AMBRA1: variants seen among roughly 807,000 people sequenced by gnomAD.
AMBRA1 encodes the protein autophagy and beclin 1 regulator 1, also known as activating molecule in BECN1-regulated autophagy protein 1.
AMBRA1 carries 47 observed loss-of-function variants against 125.4 expected under a neutral mutation model. The ratio of observed to expected loss-of-function variants is 0.37; its 90% CI spans 0.30 to 0.48. The LOEUF (loss-of-function observed/expected upper bound fraction) is 0.48, where lower values mean the gene tolerates loss of function less well. AMBRA1 is among the 20% of genes least tolerant of loss of function. The pLI, the probability that AMBRA1 is intolerant of heterozygous loss-of-function variation, is 0.99. For missense variants in AMBRA1, 1,331 were observed against 1,693.4 expected, an observed-to-expected ratio of 0.79 and a Z score of 3.76; for synonymous variants, 626 against 655.5, an observed-to-expected ratio of 0.95 and a Z score of 0.69.
At chr11:46,552,678 C>CAAA (rs571647388) in intron 1 of AMBRA1, among the ~76,000 whole-genome samples, 4 of 57,442 alleles carry the variant, frequency 7.0e-5, no homozygotes, top group South Asian at 5.5e-4. Context: ...GATTCTGTCT[C>CAAA]AAAAAAAAAA....
intron 1 of AMBRA1, among the ~76,000 whole-genome samples, chr11:46,567,112 C>A (rs1242844234): frequency 1.3e-5 from 2 of 152,116 alleles, no homozygotes; most frequent in African/African-American, 4.8e-5. Flanking sequence ...TGCTCTGTAG[C>A]CCAGACTGGA....
At chr11:46,481,658 C>T (rs1014884923) in intron 11 of AMBRA1, among the ~76,000 whole-genome samples, 3 of 152,160 alleles carry the variant, frequency 2.0e-5, no homozygotes, top group African/African-American at 4.8e-5. Flanking sequence ...CTACCGCGCC[C>T]GGCCTATTTT....
At chr11:46,418,727 T>C (rs1271516703) in intron 14 of AMBRA1, among the ~76,000 whole-genome samples, 1 of 152,154 alleles carries the variant, frequency 6.6e-6, no homozygotes, top group Non-Finnish European at 1.5e-5. Context: ...TTCTCTTAGT[T>C]TTGGGGAGAG....
In AMBRA1 at chr11:46,413,555, A is replaced by C. The variant is rs151288780; in HGVS notation, c.3117-3187T>G. Among the ~76,000 whole-genome samples the C allele has an allele frequency of 7.5e-4, 114 of 151,396 alleles. 2 individuals are homozygous for C. In the East Asian group the frequency reaches 0.021, roughly 27 times the overall value. On this transcript the variant is annotated intron_variant, in intron 15 of 17. Transcript: ENST00000683756. ...GCCCAGGCTGGAGTGCAATGGTGTG[A>C]TCTCGGCTCACTGCAACCTCAGCCT...
At chr11:46,493,514 G>C (rs937736911) in intron 11 of AMBRA1, 94 bp downstream of exon 11, 7 of 993,458 alleles carry the variant, frequency 7.0e-6, no homozygotes, top group African/African-American at 3.4e-5. Context: ...CAGATGCCAA[G>C]ACACCATCAC....
In AMBRA1 at chr11:46,427,567, G is replaced by C. The variant is rs150911921; in HGVS notation, c.2976+5907C>G. ...GTTAAAACACACATGGCTGGGCCTC[G>C]CCCCCAGAGTTTCTGACTCAGCAGA... is the stretch of plus-strand genomic sequence containing the variant. On this transcript the variant is annotated intron_variant, in intron 14 of 17. Coordinates refer to ENST00000683756, the MANE Select transcript of AMBRA1 (RefSeq NM_001387011.1). 5.7e-3 allele frequency among the ~76,000 whole-genome samples: 862 copies of C among 152,266 alleles called. 8 individuals are homozygous for C. Among genetic ancestry groups the C allele is most frequent in the Admixed American group, 0.012 (188 of 15,292 alleles).
intron 7 of AMBRA1, 26 bp downstream of exon 7, chr11:46,541,919 C>T: frequency 6.3e-7 from 1 of 1,596,622 alleles, no homozygotes; most frequent in Non-Finnish European, 8.5e-7. Flanking sequence ...GCAAGGGATG[C>T]AGAAGATAGG....
At chr11:46,444,626 C>T (rs1948187656) in intron 11 of AMBRA1, among the ~76,000 whole-genome samples, 1 of 152,170 alleles carries the variant, frequency 6.6e-6, no homozygotes, top group Non-Finnish European at 1.5e-5. Flanking sequence ...AGTTTACCAG[C>T]CTTGGAAAAA....
chr11:46,572,390 T>C (rs2043799475), intron 1 of AMBRA1, among the ~76,000 whole-genome samples: 2 of 152,146 alleles, frequency 1.3e-5, no homozygotes, highest in African/African-American at 4.8e-5. Context: ...ACTCACTGTA[T>C]AGGGTTTCTT....
At chr11:46,587,665 C>T (rs1447037174) in intron 1 of AMBRA1, among the ~76,000 whole-genome samples, 1 of 152,160 alleles carries the variant, frequency 6.6e-6, no homozygotes, top group East Asian at 1.9e-4. Flanking sequence ...CTCCTTCTTC[C>T]CTCTGTCAGC....
chr11:46,407,091 AT>A (rs1164407956), intron 17 of AMBRA1, among the ~76,000 whole-genome samples: 1 of 152,186 alleles, frequency 6.6e-6, no homozygotes, highest in Non-Finnish European at 1.5e-5. Flanking sequence ...AGGCAGGAGA[AT>A]CACTTGAACT....
At chr11:46,433,446 C>T in intron 14 of AMBRA1, 28 bp downstream of exon 14, 2 of 1,610,394 alleles carry the variant, frequency 1.2e-6, no homozygotes, top group East Asian at 2.2e-5. Flanking sequence ...AGCTGCCATA[C>T]AGTGAAGGCA....
intron 1 of AMBRA1, among the ~76,000 whole-genome samples, chr11:46,564,113 C>T (rs998455015): frequency 6.9e-6 from 1 of 144,006 alleles, no homozygotes; most frequent in African/African-American, 2.6e-5. Flanking sequence ...CATTGCACTC[C>T]ACTCTGGGCA....
At chr11:46,508,723 C>G (rs1337070753) in intron 8 of AMBRA1, among the ~76,000 whole-genome samples, 1 of 152,224 alleles carries the variant, frequency 6.6e-6, no homozygotes, top group Non-Finnish European at 1.5e-5. Context: ...TCATTCATAG[C>G]TTTTCCTTGA....
Position 46,524,722 on chromosome 11 carries a change from A to G in AMBRA1, c.2073-11909T>C, listed in dbSNP as rs554043727. Among the ~76,000 whole-genome samples, 3 of 152,338 alleles carry G rather than the reference A, an allele frequency of 2.0e-5. No individual in the cohort carries two copies. In the South Asian group the frequency reaches 6.2e-4, roughly 32 times the overall value. ...TTACTATTTTTTTCTTCCTTAGATTACAGCTCCCAAAATATCTGCAGGGAA... is the reference window on the plus strand; with the variant it reads ...TTACTATTTTTTTCTTCCTTAGATTGCAGCTCCCAAAATATCTGCAGGGAA... On this transcript the variant is annotated intron_variant, in intron 7 of 17. Coordinates refer to ENST00000683756, the MANE Select transcript of AMBRA1 (RefSeq NM_001387011.1).
At chr11:46,481,888 T>C (rs1421935810) in intron 11 of AMBRA1, among the ~76,000 whole-genome samples, 1 of 152,248 alleles carries the variant, frequency 6.6e-6, no homozygotes, top group East Asian at 1.9e-4. Context: ...ATAGCAATGC[T>C]GCTGGTGATT....
intron 10 of AMBRA1, 30 bp from the exon 11 acceptor site, chr11:46,493,738 G>A (rs1198777261): frequency 1.3e-6 from 2 of 1,541,434 alleles, no homozygotes; most frequent in Admixed American, 4.3e-5. Flanking sequence ...GTGAAAAGCT[G>A]ACTAAAGACT....
chr11:46,410,887 G>T (rs930515508), intron 15 of AMBRA1, among the ~76,000 whole-genome samples: 6 of 152,142 alleles, frequency 3.9e-5, no homozygotes, highest in Non-Finnish European at 7.4e-5. Context: ...CAGATCACAA[G>T]GTCACAAGAT....
rs142609061 is a variant in AMBRA1 at position 46,541,938 on chromosome 11, T to A, written c.2072+7A>T. 9.4e-6 allele frequency: 15 copies of A among 1,600,132 alleles called. No individual in the cohort carries two copies. The East Asian group carries it at 3.3e-4, about 36-fold the overall frequency. ...GGGATGCAGAAGATAGGAAAGCGAC[T>A]GCTTACCTCCTGAGTGAATCCTCCT... is the stretch of plus-strand genomic sequence containing the variant. On this transcript the variant is annotated splice_region_variant and intron_variant, in intron 7 of 17. Coordinates refer to ENST00000683756, the MANE Select transcript of AMBRA1 (RefSeq NM_001387011.1).
Sources: allele counts gnomAD v4.1 joint callset (sites outside exome capture counted in the v4.1 genomes callset), GRCh38; gene constraint gnomAD v4.1.1; transcripts MANE v1.5; gene names NCBI Gene and HGNC (gene_info 2026-07-23, HGNC 2026-07-21).